The following VAV3 variants were observed in gnomAD, a reference collection of about 807,000 sequenced individuals.
VAV3 encodes the protein guanine nucleotide exchange factor VAV3.
Under a neutral mutation model 131.2 loss-of-function variants are expected in VAV3, and 94 were observed. The observed-to-expected ratio is 0.72, with a 90% CI of 0.61 to 0.85. The LOEUF (loss-of-function observed/expected upper bound fraction) is 0.85, where lower values mean the gene tolerates loss of function less well. VAV3 is among the 40% of genes least tolerant of loss of function. The pLI, the probability that VAV3 is intolerant of heterozygous loss-of-function variation, is 0.00. For missense variants in VAV3, 939 were observed against 1,002.7 expected, an observed-to-expected ratio of 0.94 and a Z score of 0.86; for synonymous variants, 349 against 342.0, an observed-to-expected ratio of 1.02 and a Z score of -0.22.
At chr1:107,612,235 C>T (rs1248577402) in intron 21 of VAV3, among the ~76,000 whole-genome samples, 1 of 149,852 alleles carries the variant, frequency 6.7e-6, no homozygotes, top group Non-Finnish European at 1.5e-5. Flanking sequence ...TGTGCTTCTT[C>T]CTGAAGTATA....
At chr1:107,831,072 A>C (rs1668227102) in intron 2 of VAV3, among the ~76,000 whole-genome samples, 1 of 152,192 alleles carries the variant, frequency 6.6e-6, no homozygotes, top group Non-Finnish European at 1.5e-5. Context: ...GAAGTGTTTT[A>C]GATTCCAGAT....
intron 1 of VAV3, among the ~76,000 whole-genome samples, chr1:107,961,337 C>G (rs1675072503): frequency 6.6e-6 from 1 of 152,168 alleles, no homozygotes; most frequent in Non-Finnish European, 1.5e-5. Flanking sequence ...AAGCCAATAA[C>G]TCATGCCCTT....
At chr1:107,674,754 C>A (rs536005809) in intron 19 of VAV3, among the ~76,000 whole-genome samples, 7 of 152,306 alleles carry the variant, frequency 4.6e-5, no homozygotes, top group African/African-American at 1.7e-4. Flanking sequence ...TAATCCCCTT[C>A]CCTGAATGTG....
intron 2 of VAV3, among the ~76,000 whole-genome samples, chr1:107,817,622 A>T (rs990023338): frequency 6.6e-5 from 10 of 152,170 alleles, no homozygotes; most frequent in African/African-American, 2.2e-4. Context: ...CAAACAAGTT[A>T]AGTGATGCCC....
chr1:107,624,896 A>G (rs1389615686), intron 20 of VAV3, among the ~76,000 whole-genome samples: 1 of 152,190 alleles, frequency 6.6e-6, no homozygotes, highest in African/African-American at 2.4e-5. Flanking sequence ...AGACAATGCC[A>G]TTTCCTTAAT....
At chr1:107,842,049 A>G (rs1237205193) in intron 2 of VAV3, among the ~76,000 whole-genome samples, 3 of 152,166 alleles carry the variant, frequency 2.0e-5, no homozygotes, top group Non-Finnish European at 4.4e-5. Flanking sequence ...TTTCTATACT[A>G]CCATTGCTCA....
intron 1 of VAV3, among the ~76,000 whole-genome samples, chr1:107,954,017 A>T (rs990530235): frequency 3.3e-5 from 5 of 152,194 alleles, no homozygotes; most frequent in Non-Finnish European, 7.4e-5. Context: ...TTTACATGGA[A>T]ATCAAAAGGA....
intron 1 of VAV3, among the ~76,000 whole-genome samples, chr1:107,948,381 T>G (rs940471677): frequency 6.6e-6 from 1 of 152,194 alleles, no homozygotes; most frequent in African/African-American, 2.4e-5. Flanking sequence ...GTCATTAGTG[T>G]TCTGTAATGA....
intron 25 of VAV3, among the ~76,000 whole-genome samples, chr1:107,594,252 T>C (rs1392155965): frequency 1.3e-5 from 2 of 152,026 alleles, no homozygotes; most frequent in South Asian, 4.1e-4. Flanking sequence ...AGTTTCCCCA[T>C]TGAAATGTAA....
chr1:107,841,824 A>G (rs531282858), intron 2 of VAV3, among the ~76,000 whole-genome samples: 2 of 152,090 alleles, frequency 1.3e-5, no homozygotes, highest in South Asian at 2.1e-4. Context: ...AGAATAAGGA[A>G]AAAAAACAGA....
chr1:107,767,454 T>A (rs1022833489), intron 7 of VAV3, among the ~76,000 whole-genome samples: 1 of 152,220 alleles, frequency 6.6e-6, no homozygotes, highest in Non-Finnish European at 1.5e-5. Flanking sequence ...CATACTTAAG[T>A]GGTTCAAGAT....
intron 1 of VAV3, among the ~76,000 whole-genome samples, chr1:107,881,486 T>C (rs554449742): frequency 3.9e-4 from 59 of 152,276 alleles, no homozygotes; most frequent in African/African-American, 1.3e-3. Flanking sequence ...TCTTCACATA[T>C]AAAAACTCCC....
intron 1 of VAV3, among the ~76,000 whole-genome samples, chr1:107,960,022 T>C (rs6689476): frequency 0.11 from 16,953 of 152,192 alleles, 1,766 homozygotes; most frequent in African/African-American, 0.28. Context: ...CTTCAGAATA[T>C]ATTCAGAGCC....
intron 25 of VAV3, among the ~76,000 whole-genome samples, chr1:107,587,519 A>C (rs1385777532): frequency 6.6e-6 from 1 of 152,174 alleles, no homozygotes; most frequent in Non-Finnish European, 1.5e-5. Flanking sequence ...ATATGAAAGC[A>C]CTATGGTAAA....
intron 1 of VAV3, among the ~76,000 whole-genome samples, chr1:107,897,767 C>T (rs1343031999): frequency 6.6e-6 from 1 of 152,098 alleles, no homozygotes; most frequent in Non-Finnish European, 1.5e-5. Flanking sequence ...TATACTCTTC[C>T]TTCATGTATG....
intron 19 of VAV3, chr1:107,672,323 G>A (rs1488570787): frequency 6.9e-6 from 1 of 145,674 alleles, no homozygotes; most frequent in African/African-American, 2.5e-5. Flanking sequence ...ATCTTGTAAT[G>A]TAAATCCTGA....
chr1:107,660,447 C>T (rs780503037), intron 19 of VAV3, among the ~76,000 whole-genome samples: 1 of 152,192 alleles, frequency 6.6e-6, no homozygotes, highest in South Asian at 2.1e-4. Context: ...CTCCTATAGA[C>T]ATCCATCTAT....
At position 107,751,110 on chromosome 1, in the gene VAV3, T is replaced by C. The variant is rs757540587; in HGVS notation, c.1259+7A>G. ...TTATTTTGAAAATAGTATTCTTCTT[T>C]TCTTACCTTTCTTGTTTGGTATGCT... On this transcript the variant is annotated splice_region_variant and intron_variant, in intron 13 of 26. Coordinates refer to ENST00000370056, the MANE Select transcript of VAV3 (RefSeq NM_006113.5). 1 of 1,607,266 alleles carries C rather than the reference T, an allele frequency of 6.2e-7. No homozygotes were observed. The highest frequency in any genetic ancestry group is 1.1e-5 in the South Asian group (1 of 89,270).
intron 18 of VAV3, among the ~76,000 whole-genome samples, chr1:107,683,825 T>C (rs570400563): frequency 6.6e-6 from 1 of 152,172 alleles, no homozygotes. Context: ...TGTTAAGTCA[T>C]AGTGACGATG....
Sources: gnomAD v4.1 joint callset for allele counts (sites outside exome capture counted in the v4.1 genomes callset) on GRCh38, gnomAD v4.1.1 for gene constraint, MANE v1.5 for transcripts, NCBI Gene and HGNC (gene_info 2026-07-23, HGNC 2026-07-21) for gene names.